ZNF44: variants seen among roughly 807,000 people sequenced by gnomAD.
ZNF44 encodes gonadotropin inducible transcription repressor-2.
ZNF44 carries 9 observed loss-of-function variants against 11.7 expected under a neutral mutation model. The ratio of observed to expected loss-of-function variants is 0.77; its 90% CI spans 0.46 to 1.35. ZNF44 has a LOEUF of 1.35. ZNF44 is among the 40% of genes most tolerant of loss of function. The pLI is 0.00. For synonymous variants in ZNF44, 224 were observed against 242.7 expected (o/e 0.92, Z 0.72); for missense variants, 696 against 743.1 (o/e 0.94, Z 0.74).
At chr19:12,263,807 C>G (rs1917618902) in intron 5 of ZNF44, among the ~76,000 whole-genome samples, 1 of 151,936 alleles carries the variant, frequency 6.6e-6, no homozygotes, top group African/African-American at 2.4e-5. Flanking sequence ...CGCCTGTAGT[C>G]CCAGCTACTT....
At chr19:12,250,669 C>A in intron 5 of ZNF44, 1 of 421,198 alleles carries the variant, frequency 2.4e-6, no homozygotes, top group South Asian at 1.7e-5. Context: ...ACCATCAATT[C>A]TTTGTGAGAA....
chr19:12,249,314 G>T (rs1916892661), intron 7 of ZNF44, among the ~76,000 whole-genome samples: 1 of 151,178 alleles, frequency 6.6e-6, no homozygotes, highest in Non-Finnish European at 1.5e-5. Context: ...GACCATCCTG[G>T]CTAAACACAG....
At chr19:12,294,289 C>T (rs145167159) in intron 1 of ZNF44, among the ~76,000 whole-genome samples, 255 of 152,344 alleles carry the variant, frequency 1.7e-3, no homozygotes, top group African/African-American at 5.8e-3. Flanking sequence ...ACACCCCATC[C>T]TCAAACCTCT....
intron 2 of ZNF44, among the ~76,000 whole-genome samples, chr19:12,233,536 T>G (rs1161293097): frequency 2.1e-5 from 2 of 95,094 alleles, no homozygotes; most frequent in Admixed American, 1.3e-4. Context: ...TTGCAACAAG[T>G]ACAACCCATA....
intron 1 of ZNF44, among the ~76,000 whole-genome samples, chr19:12,278,315 C>T (rs1481985599): frequency 3.9e-5 from 6 of 152,178 alleles, no homozygotes; most frequent in East Asian, 1.9e-4. Flanking sequence ...ATAGAAACAA[C>T]GCTTATCACT....
At position 12,276,097 on chromosome 19, in the gene ZNF44, A is replaced by G. The variant is rs766178432; in HGVS notation, c.4-15T>C. On this transcript the variant is annotated splice_polypyrimidine_tract_variant and intron_variant, in intron 1 of 3. Transcript: ENST00000355684. ...GCCACTGAGTCCTGAAACATCCCAT[A>G]TGTCCAGAAAAGGAAGGTTGAAACT... 1.9e-6 allele frequency: 3 copies of G among 1,597,232 alleles called. No individual in the cohort carries two copies. In the East Asian group the frequency reaches 6.8e-5, roughly 36 times the overall value.
intron 1 of ZNF44, among the ~76,000 whole-genome samples, chr19:12,277,170 G>GT (rs1295991644): frequency 6.6e-6 from 1 of 152,140 alleles, no homozygotes; most frequent in Non-Finnish European, 1.5e-5. Flanking sequence ...TGTTGTTGTT[G>GT]TTTTTTCAAT....
downstream of ZNF44, among the ~76,000 whole-genome samples, chr19:12,269,467 A>C (rs1427786253): frequency 6.6e-6 from 1 of 152,186 alleles, no homozygotes; most frequent in African/African-American, 2.4e-5. Flanking sequence ...GGTTGCAGTG[A>C]GCCGAGATAG....
chr19:12,275,931 A>T (rs1967200982), intron 2 of ZNF44, 25 bp downstream of exon 2: 1 of 1,575,436 alleles, frequency 6.3e-7, no homozygotes, highest in African/African-American at 1.4e-5. Flanking sequence ...TAATTGACCA[A>T]ATGAAGACAT....
chr19:12,288,774 G>GTATATGTATATATATATATATATATATA (rs1413658227), intron 1 of ZNF44, among the ~76,000 whole-genome samples: 2 of 76,840 alleles, frequency 2.6e-5, no homozygotes, highest in Non-Finnish European at 4.3e-5. Context: ...AAAAAAAAAT[G>GTATATGTATATATATATATATATATATA]TATATATATA....
upstream of ZNF44, among the ~76,000 whole-genome samples, chr19:12,241,037 T>C (rs1028027821): frequency 5.9e-5 from 9 of 152,282 alleles, no homozygotes; most frequent in Middle Eastern, 3.4e-3. Flanking sequence ...CCAAAATACA[T>C]AGGAACTCCT....
chr19:12,258,331 CAAAAAAAAA>C (rs145891891), intron 5 of ZNF44, among the ~76,000 whole-genome samples: 4 of 41,008 alleles, frequency 9.8e-5, no homozygotes, highest in Admixed American at 3.9e-4. Flanking sequence ...GATCTTGTCT[CAAAAAAAAA>C]AAAAAAAAAA....
intron 1 of ZNF44, among the ~76,000 whole-genome samples, chr19:12,286,887 T>G (rs988818815): frequency 6.6e-6 from 1 of 151,822 alleles, no homozygotes; most frequent in Non-Finnish European, 1.5e-5. Flanking sequence ...ATTGCACCAC[T>G]GCACTCCAGC....
At chr19:12,275,354 T>G (rs1967169946) in intron 2 of ZNF44, among the ~76,000 whole-genome samples, 1 of 152,072 alleles carries the variant, frequency 6.6e-6, no homozygotes, top group African/African-American at 2.4e-5. Context: ...CTTATTAATA[T>G]TTACTTTCTC....
At chr19:12,240,749 CTAAAGAA>C (rs1397493524), upstream of ZNF44, among the ~76,000 whole-genome samples, 1 of 152,048 alleles carries the variant, frequency 6.6e-6, no homozygotes, top group African/African-American at 2.4e-5. Flanking sequence ...TATCTACATT[CTAAAGAA>C]TAAAGTTGGA....
chr19:12,254,175 TA>T (rs77933552), intron 5 of ZNF44, among the ~76,000 whole-genome samples: 45,396 of 142,892 alleles, frequency 0.32, 7,311 homozygotes, highest in African/African-American at 0.43. Flanking sequence ...CACAGCAGAT[TA>T]AAAAAAAAAA....
chr19:12,258,417 T>C (rs1917359436), intron 5 of ZNF44, among the ~76,000 whole-genome samples: 1 of 149,394 alleles, frequency 6.7e-6, no homozygotes, highest in Non-Finnish European at 1.5e-5. Flanking sequence ...TTTTGTATAA[T>C]AGCTGTCAAT....
upstream of ZNF44, chr19:12,242,562 C>T (rs1916655763): frequency 1.3e-5 from 2 of 149,418 alleles, no homozygotes; most frequent in African/African-American, 4.9e-5. Flanking sequence ...ACGGCTCACA[C>T]CTGTAATCCC....
intron 5 of ZNF44, among the ~76,000 whole-genome samples, chr19:12,256,914 G>A (rs1226522355): frequency 6.6e-6 from 1 of 151,894 alleles, no homozygotes; most frequent in Non-Finnish European, 1.5e-5. Flanking sequence ...TGCCATGTTG[G>A]CCAGGCTGGT....
Sources: gnomAD v4.1 joint callset for allele counts (sites outside exome capture counted in the v4.1 genomes callset) on GRCh38, gnomAD v4.1.1 for gene constraint, MANE v1.5 for transcripts, NCBI Gene and HGNC (gene_info 2026-07-23, HGNC 2026-07-21) for gene names.